MPO: variants seen among roughly 807,000 people sequenced by gnomAD.
The protein encoded by MPO is myeloperoxidase.
In MPO, 57 loss-of-function variants were observed where a neutral mutation model predicts 69.4. The observed-to-expected ratio is 0.82, with a 90% CI of 0.66 to 1.02. The LOEUF (loss-of-function observed/expected upper bound fraction) is 1.02. MPO is among the 50% of genes least tolerant of loss of function. The pLI, the probability that MPO is intolerant of heterozygous loss-of-function variation, is 0.00. For synonymous variants in MPO, 426 were observed against 417.1 expected (o/e 1.02, Z -0.26); for missense variants, 971 against 1,014.1 (o/e 0.96, Z 0.58).
In MPO at chr17:58,279,069, A is replaced by G. The variant is rs370228988; in HGVS notation, c.824T>C (p.Phe275Ser). 1 of 1,613,024 alleles carries G rather than the reference A, an allele frequency of 6.2e-7. No homozygotes were observed. Among genetic ancestry groups the G allele is most frequent in the African/African-American group, 1.3e-5 (1 of 74,934 alleles). The change falls in exon 6 of 12, where the codon TTC becomes TCC. Residue 275 changes from phenylalanine (F) to serine (S), a missense_variant. Phe to Ser is a radical substitution (Grantham distance 155). Coordinates refer to ENST00000225275, the MANE Select transcript of MPO (RefSeq NM_000250.2). ...FTPEPAARASFVTGVNCETSC... is the reference protein window; with the variant it reads ...FTPEPAARASSVTGVNCETSC... Reference sequence around the variant, plus strand: ...GGTCTCGCAGTTGACGCCAGTGACGAAGGAGGCCCGGGCGGCCGGCTCAGG... The same window carrying G: ...GGTCTCGCAGTTGACGCCAGTGACGGAGGAGGCCCGGGCGGCCGGCTCAGG...
rs1970346206 is a variant in MPO, at chr17:58,269,911, G to A, written c.*745C>T. The A allele has an allele frequency of 6.5e-6, 1 of 153,572 alleles. No homozygotes were observed. The highest frequency in any genetic ancestry group is 6.4e-5 in the Admixed American group (1 of 15,530). 9.5% of individuals were successfully genotyped at this position (153,572 alleles called of 1,614,324 possible). On this transcript the variant is annotated 3_prime_UTR_variant, in exon 12 of 12. Coordinates refer to ENST00000225275, the MANE Select transcript of MPO (RefSeq NM_000250.2). ...CATAAACATTGGGAGCAAATAAATG[G>A]TACAGAAAGGGCAACAGGCCCAGTT...
rs1970475360 is a variant in MPO at position 58,279,005 on chromosome 17, C to T, written c.885+3G>A. On this transcript the variant is annotated splice_donor_region_variant and intron_variant, in intron 6 of 11. Coordinates refer to ENST00000225275, the MANE Select transcript of MPO (RefSeq NM_000250.2). ...CCAGGCAGTGGGCGGGAAGCAGGGC[C>T]ACCTTGAGCGGGAAGCAGGGCGGCT... 1 of 1,606,432 alleles carries T rather than the reference C, an allele frequency of 6.2e-7. No individual in the cohort carries two copies. The highest frequency in any genetic ancestry group is 1.7e-5 in the Admixed American group (1 of 59,372).
Position 58,273,603 on chromosome 17 carries a change from T to C in MPO, c.1432A>G (p.Thr478Ala). 6.2e-7 allele frequency: 1 copy of C among 1,614,176 alleles called. No homozygotes were observed. The highest frequency in any genetic ancestry group is 1.1e-5 in the South Asian group (1 of 91,086). Residue 478 changes from threonine (T) to alanine (A), a missense_variant, in exon 9 of 12, where the codon ACG becomes GCG. Transcript: ENST00000225275. ...GPTAMRKYLP[T>A]YRSYNDSVDP... The stretch of plus-strand genomic sequence containing the variant: ...ACTGAGTCATTGTAGGAACGGTACG[T>C]GGGCAGGTACTTCCTCATGGCCGTT...
Position 58,278,131 on chromosome 17 carries a change from G to C in MPO, c.900C>G (p.Asp300Glu). 1 of 1,601,684 alleles carries C rather than the reference G, an allele frequency of 6.2e-7. No individual in the cohort carries two copies. Among genetic ancestry groups the C allele is most frequent in the Non-Finnish European group, 8.5e-7 (1 of 1,179,926 alleles). Reference sequence around the variant, plus strand: ...AGTCGGCTTGGTTCTTGATGCGGGGGTCATTGGGCGGGATCTGAGGCACAG... The same window carrying C: ...AGTCGGCTTGGTTCTTGATGCGGGGCTCATTGGGCGGGATCTGAGGCACAG... ...PCFPLKIPPN[D>E]PRIKNQADCI... Residue 300 changes from aspartate (D) to glutamate (E), a missense_variant, in exon 7 of 12, where the codon GAC becomes GAG. Transcript: ENST00000225275.
At chr17:58,279,473 G>C (rs748325054) in intron 4 of MPO, 47 bp from the exon 5 acceptor site, 1 of 1,612,172 alleles carries the variant, frequency 6.2e-7, no homozygotes, top group African/African-American at 1.3e-5. Context: ...TGTGGCGTCC[G>C]GGACGCCTCT....
intron 6 of MPO, 189 bp downstream of exon 6, chr17:58,278,819 A>T: frequency 1.4e-6 from 1 of 719,488 alleles, no homozygotes; most frequent in Non-Finnish European, 2.3e-6. Context: ...CCTGGCTGCC[A>T]GCTGGCTGAG....
At chr17:58,279,484 C>T (rs1488403864) in intron 4 of MPO, 39 bp downstream of exon 4, 3 of 1,612,852 alleles carry the variant, frequency 1.9e-6, no homozygotes, top group East Asian at 2.2e-5. Flanking sequence ...GGACGCCTCT[C>T]TGAGCCCGGT....
rs1380291483 is a variant in MPO at position 58,275,809 on chromosome 17, C to A, written c.1205-107G>T. 2.3e-6 allele frequency: 3 copies of A among 1,307,488 alleles called. No individual in the cohort carries two copies. Among genetic ancestry groups the A allele is most frequent in the Non-Finnish European group, 2.2e-6 (2 of 927,594 alleles). 81.0% of individuals were successfully genotyped at this position (1,307,488 alleles called of 1,614,324 possible). A position where few individuals can be genotyped will look rare whatever the true frequency, so the allele number is the denominator to read the frequency against. On this transcript the variant is annotated intron_variant, in intron 7 of 11. Transcript: ENST00000225275. This position sits in a 1 kb window ranked among gnomAD's most constrained non-coding sequence, Gnocchi z 4.1. ...AAGGCCTGAAATGCCTCCTACTCAC[C>A]CCTCCTCCCCATCCATCTTTTCAAA... is the stretch of plus-strand genomic sequence containing the variant.
Position 58,279,888 on chromosome 17 carries a change from C to A in MPO, c.375G>T (p.Leu125=), listed in dbSNP as rs748479784. The change falls in exon 3 of 12, where the codon CTG becomes CTT. Residue 125 remains leucine, a synonymous_variant. Coordinates refer to ENST00000225275, the MANE Select transcript of MPO (RefSeq NM_000250.2). ...ACAGGGACCGCAGCTTCCTCTCCAGCAGGTCTAGAGCCACGTGCAGGTAGT... is the reference window on the plus strand; with the variant it reads ...ACAGGGACCGCAGCTTCCTCTCCAGAAGGTCTAGAGCCACGTGCAGGTAGT... The part of the protein sequence containing the change: ...AADYLHVALD[L]LERKLRSLWR... 5.0e-6 allele frequency: 8 copies of A among 1,614,084 alleles called. No homozygotes were observed. The highest frequency in any genetic ancestry group is 1.1e-5 in the South Asian group (1 of 91,082).
At position 58,279,024 on chromosome 17, in the gene MPO, G is replaced by T; in HGVS notation, c.869C>A (p.Pro290His). ...NCETSCVQQPPCFPLKIPPND... is the reference protein window; with the variant it reads ...NCETSCVQQPHCFPLKIPPND... Reference sequence around the variant, plus strand: ...CAGGGCCACCTTGAGCGGGAAGCAGGGCGGCTGCTGAACGCAGCTGGTCTC... The same window carrying T: ...CAGGGCCACCTTGAGCGGGAAGCAGTGCGGCTGCTGAACGCAGCTGGTCTC... Residue 290 changes from proline to histidine, a missense_variant, in exon 6 of 12, where the codon CCC (proline) becomes CAC (histidine). Coordinates refer to ENST00000225275, the MANE Select transcript of MPO (RefSeq NM_000250.2). The T allele has an allele frequency of 6.2e-7, 1 of 1,610,542 alleles. No homozygotes were observed. The highest frequency in any genetic ancestry group is 1.1e-5 in the South Asian group (1 of 90,654).
Position 58,277,974 on chromosome 17 carries a change from G to A in MPO, c.1057C>T (p.Leu353=). 3 of 1,613,814 alleles carry A rather than the reference G, an allele frequency of 1.9e-6. No individual in the cohort carries two copies. Among genetic ancestry groups the A allele is most frequent in the Non-Finnish European group, 2.5e-6 (3 of 1,180,036 alleles). ...YGSEEPLARN[L]RNMSNQLGLL... is the part of the protein sequence containing the mutation. Reference sequence around the variant, plus strand: ...CCCAGCTGGTTGGACATGTTGCGCAGGTTCCTGGCCAGGGGCTCCTCGCTG... The same window carrying A: ...CCCAGCTGGTTGGACATGTTGCGCAAGTTCCTGGCCAGGGGCTCCTCGCTG... The change falls in exon 7 of 12, where the codon CTG becomes TTG. Residue 353 remains leucine (L), a synonymous_variant. Coordinates refer to ENST00000225275, the MANE Select transcript of MPO (RefSeq NM_000250.2).
At chr17:58,271,929 CT>C in intron 10 of MPO, 37 bp from the exon 11 acceptor site, 1 of 1,603,720 alleles carries the variant, frequency 6.2e-7, no homozygotes, top group Non-Finnish European at 8.5e-7. Context: ...ATGGGCAGGT[CT>C]CTCTGCTTCA....
chr17:58,279,815 C>T, intron 3 of MPO, 24 bp downstream of exon 3: 2 of 1,613,988 alleles, frequency 1.2e-6, no homozygotes, highest in East Asian at 2.2e-5. Flanking sequence ...GAGCAGGGAC[C>T]TGGGGTGTGA....
In MPO at chr17:58,273,395, T is replaced by C. The variant is rs777794352; in HGVS notation, c.1621+19A>G. 4.3e-6 allele frequency: 7 copies of C among 1,614,002 alleles called. No homozygotes were observed. In the African/African-American group the frequency reaches 5.3e-5, roughly 12 times the overall value. On this transcript the variant is annotated intron_variant, in intron 9 of 11. Transcript: ENST00000225275. Reference sequence around the variant, plus strand: ...CTTTAGCTGTCAGCCCACTCGCTCCTGGCCTAGGTCCTGCTTACCTTCCAG... The same window carrying C: ...CTTTAGCTGTCAGCCCACTCGCTCCCGGCCTAGGTCCTGCTTACCTTCCAG...
Position 58,280,638 on chromosome 17 carries a change from C to A in MPO, c.121G>T (p.Ala41Ser), listed in dbSNP as rs1290236473. ...LALAGLLAIL[A>S]TPQPSEGAAP... ...GCACCTTCAGAGGGCTGGGGCGTGG[C>A]CAGAATGGCCAGGAGCCCTGCTAGG... Residue 41 changes from alanine (A) to serine (S), a missense_variant, in exon 1 of 12, where the codon GCC becomes TCC. Transcript: ENST00000225275. The A allele has an allele frequency of 6.2e-7, 1 of 1,614,098 alleles. No individual in the cohort carries two copies. Among genetic ancestry groups the A allele is most frequent in the African/African-American group, 1.3e-5 (1 of 74,958 alleles).
intron 10 of MPO, 67 bp from the exon 11 acceptor site, chr17:58,271,959 A>T (rs1238983809): frequency 6.5e-7 from 1 of 1,530,634 alleles, no homozygotes; most frequent in African/African-American, 1.4e-5. Context: ...AGGTCACTGG[A>T]GACAGCAGGG....
Position 58,275,758 on chromosome 17 carries a change from G to C in MPO, c.1205-56C>G. ...AAGGCCTCCATCCCAGAAAAGATTT[G>C]CTCCACTGAAACCCCCTCCCCAGCC... On this transcript the variant is annotated intron_variant, in intron 7 of 11. Coordinates refer to ENST00000225275, the MANE Select transcript of MPO (RefSeq NM_000250.2). This position sits in a 1 kb window ranked among gnomAD's most constrained non-coding sequence, Gnocchi z 4.1. 3 of 1,604,382 alleles carry C rather than the reference G, an allele frequency of 1.9e-6. No individual in the cohort carries two copies. The highest frequency in any genetic ancestry group is 2.2e-5 in the South Asian group (2 of 89,978).
chr17:58,275,663 A>G lies in MPO; in HGVS notation c.1244T>C (p.Met415Thr), dbSNP rs1970427025. 2.5e-6 allele frequency: 4 copies of G among 1,614,056 alleles called. No homozygotes were observed. The South Asian group carries it at 3.3e-5, about 13-fold the overall frequency. Residue 415 changes from methionine to threonine, a missense_variant, in exon 8 of 12, where the codon ATG (methionine) becomes ACG (threonine). Transcript: ENST00000225275. This position sits in a 1 kb window ranked among gnomAD's most constrained non-coding sequence, Gnocchi z 4.1. ...GTGCTCCCGAAGTAAGAGGGTGTGC[A>G]TGGAGGTGAGCTCGGGCATCTCACT... is the stretch of plus-strand genomic sequence containing the variant. The part of the protein sequence containing the change: ...RSSEMPELTS[M>T]HTLLLREHNR...
chr17:58,280,241 A>T, intron 2 of MPO, 125 bp downstream of exon 2: 1 of 1,080,154 alleles, frequency 9.3e-7, no homozygotes, highest in Non-Finnish European at 1.4e-6. Flanking sequence ...ACAGACAGAC[A>T]GAAAGGGAGT....
Sources: gnomAD v4.1 joint callset for allele counts on GRCh38, gnomAD v4.1.1 for gene constraint, Gnocchi (gnomAD v3.1) non-coding constraint, MANE v1.5 for transcripts, NCBI Gene and HGNC (gene_info 2026-07-23, HGNC 2026-07-21) for gene names.